Variants in RMC1 observed in about 807,000 individuals in gnomAD.
The protein encoded by RMC1 is regulator of MON1-CCZ1.
RMC1 carries 44 observed loss-of-function variants against 95.5 expected under a neutral mutation model. The ratio of observed to expected loss-of-function variants is 0.46; its 90% confidence interval spans 0.36 to 0.59. The LOEUF is 0.59. Among genes scored for constraint, RMC1 ranks in the 20% least tolerant of loss-of-function variants. The pLI is 0.00. For synonymous variants in RMC1, 320 were observed against 303.6 expected, an observed-to-expected ratio of 1.05 and a Z score of -0.56; for missense variants, 705 against 819.6, an observed-to-expected ratio of 0.86 and a Z score of 1.71.
At position 23,529,774 on chromosome 18, in the gene RMC1, ACT is replaced by A. The variant is rs752832171; in HGVS notation, c.1494+63_1494+64del. The A allele has an allele frequency of 1.6e-4, 233 of 1,490,370 alleles. No individual in the cohort carries two copies. In the South Asian group the frequency reaches 2.5e-3, roughly 16 times the overall value. 92.3% of individuals were successfully genotyped at this position (1,490,370 alleles called of 1,614,324 possible). A position where few individuals can be genotyped will look rare whatever the true frequency, so the allele number is the denominator to read the frequency against. ...AGGAATTTAAAAAAAAAACACAGTC[ACT>A]GTCTTAGAAGATGACTCATATGCTA... On this transcript the variant is annotated intron_variant, in intron 16 of 19. Transcript: ENST00000269221.
At chr18:23,516,058 T>G in intron 6 of RMC1, 62 bp downstream of exon 6, 1 of 1,607,962 alleles carries the variant, frequency 6.2e-7, no homozygotes, top group Non-Finnish European at 8.5e-7. Context: ...TCCTGTAGCA[T>G]CCTAATGTGT....
chr18:23,526,546 C>T (rs1165606102), intron 12 of RMC1, 91 bp from the exon 13 acceptor site: 2 of 1,491,980 alleles, frequency 1.3e-6, no homozygotes, highest in East Asian at 4.6e-5. Context: ...CACCACCTGC[C>T]ACCCGCCCCG....
At chr18:23,529,814 C>T in intron 16 of RMC1, 102 bp downstream of exon 16, 1 of 1,221,486 alleles carries the variant, frequency 8.2e-7, no homozygotes, top group Non-Finnish European at 1.2e-6. Context: ...ACAGGTCTGC[C>T]TCCCTGACTC....
At position 23,516,430 on chromosome 18, in the gene RMC1, C is replaced by G. The variant is rs967429153; in HGVS notation, c.653+7C>G. 3 of 1,612,392 alleles carry G rather than the reference C, an allele frequency of 1.9e-6. No homozygotes were observed. The African/African-American group carries it at 4.0e-5, about 22-fold the overall frequency. ...ACATCGCAATGGCTACCATGTATGT[C>G]CGTGTCAGAGAGAATTCCATCCTGT... is the stretch of plus-strand genomic sequence containing the variant. On this transcript the variant is annotated splice_region_variant and intron_variant, in intron 7 of 19. Transcript: ENST00000269221.
intron 5 of RMC1, among the ~76,000 whole-genome samples, chr18:23,513,652 A>G (rs953669641): frequency 2.0e-5 from 3 of 152,210 alleles, no homozygotes; most frequent in Non-Finnish European, 4.4e-5. Context: ...CCATTTTGCA[A>G]TCCCTCCAAG....
At chr18:23,525,290 C>G (rs2058265127) in intron 12 of RMC1, among the ~76,000 whole-genome samples, 1 of 151,996 alleles carries the variant, frequency 6.6e-6, no homozygotes, top group Admixed American at 6.6e-5. Context: ...CTCCGTCACC[C>G]AGCCTGGAGT....
Position 23,520,277 on chromosome 18 carries a change from G to A in RMC1, c.925G>A (p.Ala309Thr). 1.2e-6 allele frequency: 2 copies of A among 1,614,040 alleles called. No homozygotes were observed. The highest frequency in any genetic ancestry group is 1.7e-6 in the Non-Finnish European group (2 of 1,179,964). Residue 309 changes from alanine to threonine, a missense_variant, in exon 10 of 20, where the codon GCT becomes ACT. Ala to Thr is a moderately conservative substitution (Grantham distance 58, BLOSUM62 0). Transcript: ENST00000269221. ...SVTFHHPVLPARSIQPYQIPI... is the reference protein window; with the variant it reads ...SVTFHHPVLPTRSIQPYQIPI... ...TACCTTCCACCACCCCGTGCTTCCCGCTCGATCGATCCAGCCCTATCAGAT... is the reference window on the plus strand; with the variant it reads ...TACCTTCCACCACCCCGTGCTTCCCACTCGATCGATCCAGCCCTATCAGAT...
intron 5 of RMC1, among the ~76,000 whole-genome samples, chr18:23,512,272 C>T (rs551739563): frequency 1.1e-4 from 16 of 152,218 alleles, no homozygotes; most frequent in Non-Finnish European, 1.5e-4. Context: ...CCACCTATCT[C>T]GGCCCCCTAA....
chr18:23,531,002 A>AT (rs201056665), intron 19 of RMC1, among the ~76,000 whole-genome samples: 3,497 of 148,908 alleles, frequency 0.023, 48 homozygotes, highest in Middle Eastern at 0.031. Context: ...GATCATTCTC[A>AT]TTTTTTTTTT....
intron 5 of RMC1, among the ~76,000 whole-genome samples, chr18:23,513,761 C>T (rs943337739): frequency 3.3e-5 from 5 of 152,098 alleles, no homozygotes; most frequent in African/African-American, 4.8e-5. Context: ...TTTTGATTTG[C>T]GCTCTTTGTT....
Position 23,529,428 on chromosome 18 carries a change from G to A in RMC1, c.1416+130G>A, listed in dbSNP as rs939961931. 1.4e-4 allele frequency: 205 copies of A among 1,416,868 alleles called. 4 individuals are homozygous for A. The African/African-American group carries it at 2.2e-3, about 15-fold the overall frequency. The allele number at this position is 1,416,868 out of a possible 1,614,324, so 87.8% of individuals were successfully genotyped here. ...AATCACTGGAGTTTCCTTGGGTGAG[G>A]CCCTAGAGCTGGTAGTTTGGCTTCT... On this transcript the variant is annotated intron_variant, in intron 15 of 19. Coordinates refer to ENST00000269221, the MANE Select transcript of RMC1 (RefSeq NM_013326.5).
intron 12 of RMC1, among the ~76,000 whole-genome samples, chr18:23,526,126 C>T (rs1055268042): frequency 1.3e-5 from 2 of 152,212 alleles, no homozygotes; most frequent in African/African-American, 4.8e-5. Context: ...GGAAAGGCCA[C>T]ACCAGATGCT....
intron 14 of RMC1, 97 bp downstream of exon 14, chr18:23,527,998 G>A (rs998929370): frequency 9.8e-7 from 1 of 1,020,506 alleles, no homozygotes; most frequent in African/African-American, 1.7e-5. Flanking sequence ...CTATATATTA[G>A]AATAAGGTCG....
intron 10 of RMC1, 48 bp downstream of exon 10, chr18:23,520,361 G>C: frequency 6.9e-7 from 1 of 1,439,706 alleles, no homozygotes; most frequent in Non-Finnish European, 9.7e-7. Context: ...TCACCATGTG[G>C]CTGTGTTCTC....
At chr18:23,525,421 A>G (rs183953074) in intron 12 of RMC1, among the ~76,000 whole-genome samples, 224 of 150,812 alleles carry the variant, frequency 1.5e-3, no homozygotes, top group Middle Eastern at 6.8e-3. Context: ...TTAATTTATT[A>G]TAATAATAAT....
At chr18:23,531,521 TAAAGAA>T in intron 19 of RMC1, 98 bp from the exon 20 acceptor site, 3 of 1,515,478 alleles carry the variant, frequency 2.0e-6, no homozygotes, top group East Asian at 4.6e-5. Context: ...TGTATTTTAT[TAAAGAA>T]AAATAAGTTA....
chr18:23,516,515 T>G (rs1598869749), intron 7 of RMC1, 92 bp downstream of exon 7: 2 of 1,318,596 alleles, frequency 1.5e-6, no homozygotes, highest in Non-Finnish European at 2.2e-6. Flanking sequence ...CGTGATGCCC[T>G]GACCCCTAGA....
rs780555615 is a variant in RMC1, at chr18:23,503,617, C to G, written c.-2C>G. The G allele has an allele frequency of 3.0e-5, 47 of 1,552,252 alleles. No individual in the cohort carries two copies. Among genetic ancestry groups the G allele is most frequent in the Admixed American group, 5.6e-5 (3 of 53,106 alleles). ...GCCCCCGCCGCGGGCGCGGCGCCCG[C>G]CATGGGCGAGGAGGACTACTATCTG... is the stretch of plus-strand genomic sequence containing the variant. On this transcript the variant is annotated 5_prime_UTR_variant, in exon 1 of 20. Transcript: ENST00000269221.
rs1326916698 is a variant in RMC1 at position 23,504,433 on chromosome 18, T to C, written c.165T>C (p.Asn55=). 1.9e-6 allele frequency: 3 copies of C among 1,612,672 alleles called. No homozygotes were observed. The South Asian group carries it at 3.3e-5, about 18-fold the overall frequency. Residue 55 remains asparagine (N), a synonymous_variant, in exon 2 of 20, where the codon AAT becomes AAC. Transcript: ENST00000269221. Reference sequence around the variant, plus strand: ...TAGTTAAAGGCCCAGATGATAGGAATCCCATCTCATTTAGGTAATGGTATA... The same window carrying C: ...TAGTTAAAGGCCCAGATGATAGGAACCCCATCTCATTTAGGTAATGGTATA... ...GVVVKGPDDR[N]PISFRMDDKG... is the part of the protein sequence containing the mutation.
Sources: gnomAD v4.1 joint callset for allele counts (sites outside exome capture counted in the v4.1 genomes callset) on GRCh38, gnomAD v4.1.1 for gene constraint, MANE v1.5 for transcripts, NCBI Gene and HGNC (gene_info 2026-07-23, HGNC 2026-07-21) for gene names.